The following FGD4 variants were observed in gnomAD, a reference collection of about 807,000 sequenced individuals.
FGD4 encodes the protein FYVE, RhoGEF and PH domain containing 4.
FGD4 carries 42 observed loss-of-function variants against 102.0 expected under a neutral mutation model. The ratio of observed to expected loss-of-function variants is 0.41; its 90% CI spans 0.32 to 0.53. The LOEUF is 0.53. Among genes scored for constraint, FGD4 ranks in the 20% least tolerant of loss-of-function variants. The probability of loss-of-function intolerance (pLI) is 0.21; values close to 1 mark genes in which losing one functional copy is unlikely to be tolerated. For missense variants in FGD4, 902 were observed against 1,078.2 expected, an observed-to-expected ratio of 0.84 and a Z score of 2.29; for synonymous variants, 380 against 375.7, an observed-to-expected ratio of 1.01 and a Z score of -0.13.
chr12:32,598,685 TG>T, intron 5 of FGD4, 99 bp downstream of exon 5: 1 of 1,000,398 alleles, frequency 1.0e-6, no homozygotes. Flanking sequence ...AGGAAGGGCC[TG>T]TTTTTGGCTA....
chr12:32,624,616 G>A (rs563634802), intron 12 of FGD4, 164 bp downstream of exon 12: 104 of 701,274 alleles, frequency 1.5e-4, no homozygotes, highest in African/African-American at 1.3e-3. Context: ...GACTATAGGC[G>A]TGCACCACCA....
chr12:32,621,798 G>T (rs1024992248), intron 11 of FGD4, among the ~76,000 whole-genome samples: 1 of 152,166 alleles, frequency 6.6e-6, no homozygotes, highest in African/African-American at 2.4e-5. Flanking sequence ...AAACCCAAGG[G>T]CAGAATATAT....
At chr12:32,500,580 C>T (rs1938143795) in intron 1 of FGD4, among the ~76,000 whole-genome samples, 1 of 151,880 alleles carries the variant, frequency 6.6e-6, no homozygotes, top group African/African-American at 2.4e-5. Context: ...ACTACAGGCG[C>T]CCGCCACCAT....
chr12:32,488,391 A>C (rs1476931139), intron 1 of FGD4, among the ~76,000 whole-genome samples: 1 of 152,162 alleles, frequency 6.6e-6, no homozygotes, highest in Non-Finnish European at 1.5e-5. Flanking sequence ...GAAGAGAAAT[A>C]GCTAGGGTAA....
chr12:32,569,214 T>C (rs1945443758), intron 2 of FGD4, among the ~76,000 whole-genome samples: 1 of 152,216 alleles, frequency 6.6e-6, no homozygotes, highest in Admixed American at 6.5e-5. Context: ...ATTTCTATAA[T>C]ATCCTCTTAA....
intron 2 of FGD4, among the ~76,000 whole-genome samples, chr12:32,574,117 A>T (rs566871118): frequency 6.6e-6 from 1 of 152,312 alleles, no homozygotes; most frequent in East Asian, 1.9e-4. Flanking sequence ...CACAATTTAG[A>T]TTGGGAAAGT....
chr12:32,453,026 C>T (rs897265514), intron 1 of FGD4, among the ~76,000 whole-genome samples: 18 of 151,380 alleles, frequency 1.2e-4, no homozygotes, highest in African/African-American at 4.4e-4. Context: ...TTTTATTGAA[C>T]TTTCTATTAT....
At chr12:32,462,823 C>T (rs527500226) in intron 1 of FGD4, among the ~76,000 whole-genome samples, 1 of 152,256 alleles carries the variant, frequency 6.6e-6, no homozygotes, top group South Asian at 2.1e-4. Context: ...CATCAGCTCA[C>T]CCCACATTTA....
At chr12:32,584,921 T>A (rs1343562379) in intron 4 of FGD4, among the ~76,000 whole-genome samples, 1 of 151,876 alleles carries the variant, frequency 6.6e-6, no homozygotes, top group Non-Finnish European at 1.5e-5. Flanking sequence ...GGATAGGGAA[T>A]GAAAGAAAGG....
chr12:32,539,523 C>G (rs941288793), intron 1 of FGD4, among the ~76,000 whole-genome samples: 4 of 151,170 alleles, frequency 2.6e-5, no homozygotes, highest in African/African-American at 7.3e-5. Context: ...GAGCTGAGAT[C>G]GCGCCATTGC....
chr12:32,576,535 A>G (rs1946142752), intron 3 of FGD4, 86 bp downstream of exon 3: 3 of 1,425,902 alleles, frequency 2.1e-6, no homozygotes, highest in Non-Finnish European at 2.0e-6. Context: ...CATTCTAAAT[A>G]AAAAGCATAA....
intron 1 of FGD4, among the ~76,000 whole-genome samples, chr12:32,561,716 A>G (rs750893156): frequency 6.6e-5 from 10 of 152,268 alleles, no homozygotes; most frequent in Non-Finnish European, 1.2e-4. Flanking sequence ...TCTAATATGC[A>G]TAATAGAGAA....
chr12:32,614,312 C>G (rs1194430157), intron 10 of FGD4, among the ~76,000 whole-genome samples: 2 of 152,160 alleles, frequency 1.3e-5, no homozygotes, highest in Non-Finnish European at 2.9e-5. Context: ...GGAGATGAAA[C>G]ATGGCTTTCC....
chr12:32,516,741 G>C (rs141640991), intron 1 of FGD4, among the ~76,000 whole-genome samples: 1 of 152,100 alleles, frequency 6.6e-6, no homozygotes, highest in South Asian at 2.1e-4. Context: ...AAATCCCAGG[G>C]TAGTTATTAG....
At position 32,588,710 on chromosome 12, in the gene FGD4, CAAGA is replaced by C. The variant is rs1947244445; in HGVS notation, c.1011+6248_1011+6251del. On this transcript the variant is annotated intron_variant, in intron 4 of 16. Transcript: ENST00000534526. ...CAGCATTGCTGAGTGGCCTGGAATT[CAAGA>C]AAGAGAAAAAGCAAACTTGGAGTGG... Among the ~76,000 whole-genome samples, 5 of 152,194 alleles carry C rather than the reference CAAGA, an allele frequency of 3.3e-5. No individual in the cohort carries two copies. The South Asian group carries it at 1.0e-3, about 32-fold the overall frequency.
rs771346434 is a variant in FGD4 at position 32,624,637 on chromosome 12, A to AT, written c.1953+195dup. The AT allele has an allele frequency of 4.3e-3, 2,599 of 604,460 alleles. 2 individuals carry two copies. Among genetic ancestry groups the AT allele is most frequent in the Middle Eastern group, 0.011 (25 of 2,286 alleles). 37.4% of individuals were successfully genotyped at this position (604,460 alleles called of 1,614,324 possible). ...AGGCGTGCACCACCATGTCTGGTTAATTTTTTTTTTGTATTTCGTAGAGAC... is the reference window on the plus strand; with the variant it reads ...AGGCGTGCACCACCATGTCTGGTTAATTTTTTTTTTTGTATTTCGTAGAGAC... On this transcript the variant is annotated intron_variant, in intron 12 of 16. Coordinates refer to ENST00000534526, the MANE Select transcript of FGD4 (RefSeq NM_001370298.3).
chr12:32,468,753 A>G (rs1410704122), intron 1 of FGD4, among the ~76,000 whole-genome samples: 1 of 152,164 alleles, frequency 6.6e-6, no homozygotes, highest in Admixed American at 6.5e-5. Flanking sequence ...GGAAGAAAAG[A>G]TATTGTAACC....
intron 1 of FGD4, among the ~76,000 whole-genome samples, chr12:32,431,275 A>G (rs1009661960): frequency 2.0e-5 from 3 of 152,196 alleles, no homozygotes; most frequent in African/African-American, 7.2e-5. Flanking sequence ...ACTTCCGGGA[A>G]AATTATATTG....
At chr12:32,416,901 C>CTTTT (rs746296505) in intron 1 of FGD4, among the ~76,000 whole-genome samples, 1 of 142,712 alleles carries the variant, frequency 7.0e-6, no homozygotes, top group African/African-American at 2.6e-5. Flanking sequence ...TTTTCTTTTT[C>CTTTT]TTTTTTTTTT....
Sources: allele counts gnomAD v4.1 joint callset (sites outside exome capture counted in the v4.1 genomes callset), GRCh38; gene constraint gnomAD v4.1.1; transcripts MANE v1.5; gene names NCBI Gene and HGNC (gene_info 2026-07-23, HGNC 2026-07-21).